Variants in ZNF713 observed in about 807,000 individuals in gnomAD.
ZNF713 encodes zinc finger protein 713.
In ZNF713, 21 loss-of-function variants were observed where a neutral mutation model predicts 28.7. The ratio of observed to expected loss-of-function variants is 0.73; its 90% CI spans 0.52 to 1.05. ZNF713 has a LOEUF of 1.05. Among genes scored for constraint, ZNF713 ranks in the 50% least tolerant of loss-of-function variants. ZNF713 has a pLI of 0.00. For missense variants in ZNF713, 458 were observed against 532.4 expected, an observed-to-expected ratio of 0.86 and a Z score of 1.37; for synonymous variants, 167 against 178.0, an observed-to-expected ratio of 0.94 and a Z score of 0.49.
intron 4 of ZNF713, among the ~76,000 whole-genome samples, chr7:55,918,617 A>C (rs1407727880): frequency 6.6e-6 from 1 of 152,220 alleles, no homozygotes; most frequent in Admixed American, 6.5e-5. Flanking sequence ...TCAAAACTCA[A>C]AGGATAGTAA....
At chr7:55,905,991 A>G (rs917625453) in intron 1 of ZNF713, among the ~76,000 whole-genome samples, 1 of 151,346 alleles carries the variant, frequency 6.6e-6, no homozygotes, top group African/African-American at 2.4e-5. Context: ...AGTCCCAGCT[A>G]TTTGGGAGGC....
At chr7:55,898,200 T>C (rs1180988363) in intron 1 of ZNF713, among the ~76,000 whole-genome samples, 3 of 152,216 alleles carry the variant, frequency 2.0e-5, no homozygotes, top group Non-Finnish European at 4.4e-5. Flanking sequence ...TTCTTGGATA[T>C]GACCACAAAT....
intron 1 of ZNF713, among the ~76,000 whole-genome samples, chr7:55,904,505 C>T (rs566086512): frequency 1.4e-3 from 179 of 128,328 alleles, no homozygotes; most frequent in Non-Finnish European, 2.3e-3. Context: ...AGGTCCATTG[C>T]ATGAACAACA....
chr7:55,924,547 A>C (rs1786057972), intron 6 of ZNF713: 1 of 152,172 alleles, frequency 6.6e-6, no homozygotes, highest in Non-Finnish European at 1.5e-5. Context: ...CTCCATTTCT[A>C]GTCCCAGTAT....
rs547641755 is a variant in ZNF713, at chr7:55,888,884, C to CA, written c.-583+1212dup. Among the ~76,000 whole-genome samples, 181 of 151,376 alleles carry CA rather than the reference C, an allele frequency of 1.2e-3. 1 individual carries two copies. Among genetic ancestry groups the CA allele is most frequent in the Middle Eastern group, 0.01 (3 of 294 alleles). ...GAAACATGGCAAGACCCTGTTGCTA[C>CA]AAAAAAAACTAGAAAAATTAACCGG... On this transcript the variant is annotated intron_variant, in intron 1 of 6. Coordinates refer to ENST00000429591, the MANE Select transcript of ZNF713 (RefSeq NM_182633.3).
chr7:55,896,598 T>C (rs1430449125), intron 1 of ZNF713, among the ~76,000 whole-genome samples: 1 of 130,428 alleles, frequency 7.7e-6, no homozygotes, highest in African/African-American at 2.8e-5. Flanking sequence ...TGTGTGTGTG[T>C]GTGTATATAT....
chr7:55,900,804 A>G (rs1785561777), intron 1 of ZNF713, among the ~76,000 whole-genome samples: 1 of 152,128 alleles, frequency 6.6e-6, no homozygotes, highest in Non-Finnish European at 1.5e-5. Flanking sequence ...TAATAAAATA[A>G]CAATGCATTG....
At position 55,889,104 on chromosome 7, in the gene ZNF713, T is replaced by C. The variant is rs559141575; in HGVS notation, c.-583+1424T>C. On this transcript the variant is annotated intron_variant, in intron 1 of 6. Transcript: ENST00000429591. Reference sequence around the variant, plus strand: ...TTAATTGTGTCCTTTCATATAATGATTTTTTTTTTTTTTTGAGATGGAGTT... The same window carrying C: ...TTAATTGTGTCCTTTCATATAATGACTTTTTTTTTTTTTTGAGATGGAGTT... Among the ~76,000 whole-genome samples, 25 of 45,088 alleles carry C rather than the reference T, an allele frequency of 5.5e-4. 1 individual carries two copies. In the African/African-American group the frequency reaches 8.0e-3, roughly 14 times the overall value. 29.6% of individuals were successfully genotyped at this position (45,088 alleles called of 152,430 possible).
At chr7:55,916,950 C>G (rs1437747879) in intron 4 of ZNF713, among the ~76,000 whole-genome samples, 1 of 152,182 alleles carries the variant, frequency 6.6e-6, no homozygotes, top group African/African-American at 2.4e-5. Flanking sequence ...CGCAGTGGCT[C>G]ACACCTGTAA....
rs112359061 is a variant in ZNF713, at chr7:55,912,852, T to A, written c.87+129T>A. Reference sequence around the variant, plus strand: ...CAGGAGATTCATGTGACAGATGATATACTCTCCACAGCATGTTTTCCATTC... The same window carrying A: ...CAGGAGATTCATGTGACAGATGATAAACTCTCCACAGCATGTTTTCCATTC... On this transcript the variant is annotated intron_variant, in intron 4 of 6. Transcript: ENST00000429591. 42 of 682,896 alleles carry A rather than the reference T, an allele frequency of 6.2e-5. 1 individual carries two copies. Among genetic ancestry groups the A allele is most frequent in the African/African-American group, 4.7e-4 (26 of 55,744 alleles). The allele number at this position is 682,896 out of a possible 1,614,324, so 42.3% of individuals were successfully genotyped here. A position where few individuals can be genotyped will look rare whatever the true frequency, so the allele number is the denominator to read the frequency against.
At chr7:55,925,591 A>G (rs1161832409) in intron 6 of ZNF713, among the ~76,000 whole-genome samples, 1 of 152,158 alleles carries the variant, frequency 6.6e-6, no homozygotes, top group African/African-American at 2.4e-5. Flanking sequence ...ACTGCACTTC[A>G]GCCTGGCAAC....
chr7:55,938,543 G>A (rs1324564570), intron 6 of ZNF713, among the ~76,000 whole-genome samples: 1 of 152,012 alleles, frequency 6.6e-6, no homozygotes, highest in East Asian at 1.9e-4. Context: ...GATAAAAATA[G>A]GAAGAAATAC....
At chr7:55,927,781 C>T (rs1380397642) in intron 6 of ZNF713, among the ~76,000 whole-genome samples, 1 of 150,396 alleles carries the variant, frequency 6.6e-6, no homozygotes, top group Non-Finnish European at 1.5e-5. Flanking sequence ...CCTGTAATCC[C>T]AGCTACTCGG....
At chr7:55,913,364 G>A (rs1264745319) in intron 4 of ZNF713, among the ~76,000 whole-genome samples, 1 of 151,712 alleles carries the variant, frequency 6.6e-6, no homozygotes, top group Non-Finnish European at 1.5e-5. Context: ...ACCACGCCCG[G>A]CCAATTTTTT....
intron 2 of ZNF713, among the ~76,000 whole-genome samples, chr7:55,910,035 A>AT (rs1052715729): frequency 2.0e-5 from 3 of 149,274 alleles, no homozygotes; most frequent in African/African-American, 7.4e-5. Context: ...ATATATATGT[A>AT]TTTTTTTAAG....
At chr7:55,924,143 T>C (rs1786050372) in intron 6 of ZNF713, 1 of 154,368 alleles carries the variant, frequency 6.5e-6, no homozygotes, top group South Asian at 2.0e-4. Flanking sequence ...TTTCATCTTT[T>C]CTTTTTCCTT....
chr7:55,896,513 G>A (rs1318491280), intron 1 of ZNF713, among the ~76,000 whole-genome samples: 1 of 151,814 alleles, frequency 6.6e-6, no homozygotes, highest in Non-Finnish European at 1.5e-5. Context: ...AGGAAAAAGG[G>A]AAGACTAAAA....
chr7:55,887,855 GGGCGGCGGGCGGCGGC>G (rs1298400353), intron 1 of ZNF713, among the ~76,000 whole-genome samples, 175 bp downstream of exon 1: 2 of 13,814 alleles, frequency 1.4e-4, no homozygotes, highest in East Asian at 3.6e-3. Context: ...CGGCGGCGGC[GGGCGGCGGGCGGCGGC>G]GGCGGCGGCG....
At chr7:55,919,224 A>C (rs950874193) in intron 4 of ZNF713, among the ~76,000 whole-genome samples, 1 of 152,206 alleles carries the variant, frequency 6.6e-6, no homozygotes, top group African/African-American at 2.4e-5. Flanking sequence ...CCAAGCAGCA[A>C]ATGATAACCA....
Sources: allele counts gnomAD v4.1 joint callset (sites outside exome capture counted in the v4.1 genomes callset), GRCh38; gene constraint gnomAD v4.1.1; transcripts MANE v1.5; gene names NCBI Gene and HGNC (gene_info 2026-07-23, HGNC 2026-07-21).